The following PCDHB6 variants were observed in gnomAD, a reference collection of about 807,000 sequenced individuals.
The protein encoded by PCDHB6 is protocadherin beta 6, also known as protocadherin beta-6.
For missense variants in PCDHB6, 1,137 were observed against 1,010.1 expected, an observed-to-expected ratio of 1.13 and a Z score of -1.70; for synonymous variants, 506 against 459.0, an observed-to-expected ratio of 1.10 and a Z score of -1.31.
rs781812489 is a variant in PCDHB6 at position 141,151,255 on chromosome 5, T to G, written c.998T>G (p.Val333Gly). ...CTATCAGGAAAATGCTCTTTAGTCGTCAGGGTCCTGGACGTGAATGACAAT... is the reference window on the plus strand; with the variant it reads ...CTATCAGGAAAATGCTCTTTAGTCGGCAGGGTCCTGGACGTGAATGACAAT... Reference protein sequence around the residue: ...GGLSGKCSLVVRVLDVNDNAP... With the variant: ...GGLSGKCSLVGRVLDVNDNAP... The change falls in exon 1 of 1, where the codon GTC becomes GGC. Residue 333 changes from valine to glycine, a missense_variant. Physicochemically the swap from Val to Gly is moderately radical, Grantham distance 109. Coordinates refer to ENST00000231136, the MANE Select transcript of PCDHB6 (RefSeq NM_018939.4). The G allele has an allele frequency of 1.2e-6, 2 of 1,614,158 alleles. No individual in the cohort carries two copies. The highest frequency in any genetic ancestry group is 8.5e-7 in the Non-Finnish European group (1 of 1,180,036).
chr5:141,152,166 A>C lies in PCDHB6; in HGVS notation c.1909A>C (p.Arg637=), dbSNP rs782047713. ...LLSERDAAKH[R]LVVLVKDNGE... Reference sequence around the variant, plus strand: ...GAGCGAGCGAGACGCAGCCAAGCACAGGCTGGTGGTGCTTGTCAAGGACAA... The same window carrying C: ...GAGCGAGCGAGACGCAGCCAAGCACCGGCTGGTGGTGCTTGTCAAGGACAA... Residue 637 remains arginine (R), a synonymous_variant, in exon 1 of 1, where the codon AGG becomes CGG. Coordinates refer to ENST00000231136, the MANE Select transcript of PCDHB6 (RefSeq NM_018939.4). 3 of 1,607,900 alleles carry C rather than the reference A, an allele frequency of 1.9e-6. No homozygotes were observed. The highest frequency in any genetic ancestry group is 1.7e-5 in the Admixed American group (1 of 60,006).
Position 141,152,558 on chromosome 5 carries a change from G to C in PCDHB6, c.2301G>C (p.Pro767=). 6.2e-7 allele frequency: 1 copy of C among 1,614,022 alleles called. No individual in the cohort carries two copies. The highest frequency in any genetic ancestry group is 8.5e-7 in the Non-Finnish European group (1 of 1,180,032). Residue 767 remains proline (P), a synonymous_variant, in exon 1 of 1, where the codon CCG becomes CCC. Coordinates refer to ENST00000231136, the MANE Select transcript of PCDHB6 (RefSeq NM_018939.4). Reference sequence around the variant, plus strand: ...CAAATGAGTTCAAGTTCCTGAAGCCGATTATGCCCAACTTCCCTCCTCAGG... The same window carrying C: ...CAAATGAGTTCAAGTTCCTGAAGCCCATTATGCCCAACTTCCCTCCTCAGG... ...SETNEFKFLK[P]IMPNFPPQGT...
rs1010360135 is a variant in PCDHB6, at chr5:141,150,900, G to A, written c.643G>A (p.Asp215Asn). 16 of 1,614,196 alleles carry A rather than the reference G, an allele frequency of 9.9e-6. No homozygotes were observed. Among genetic ancestry groups the A allele is most frequent in the Non-Finnish European group, 1.4e-5 (16 of 1,180,052 alleles). ...PQLRLTLIAL[D>N]GGSPPRSGTS... ...ACTCAGGCTAACGCTGATCGCGCTGGATGGCGGGTCTCCGCCCCGGTCAGG... is the reference window on the plus strand; with the variant it reads ...ACTCAGGCTAACGCTGATCGCGCTGAATGGCGGGTCTCCGCCCCGGTCAGG... The change falls in exon 1 of 1, where the codon GAT becomes AAT. Residue 215 changes from aspartate to asparagine, a missense_variant. Transcript: ENST00000231136.
rs782488863 is a variant in PCDHB6, at chr5:141,152,136, C to A, written c.1879C>A (p.Leu627Met). ...CAATGGCGAGGTGCGCACCGCCAGGCTGCTGAGCGAGCGAGACGCAGCCAA... is the reference window on the plus strand; with the variant it reads ...CAATGGCGAGGTGCGCACCGCCAGGATGCTGAGCGAGCGAGACGCAGCCAA... ...AHNGEVRTARLLSERDAAKHR... is the reference protein window; with the variant it reads ...AHNGEVRTARMLSERDAAKHR... The change falls in exon 1 of 1, where the codon CTG becomes ATG. Residue 627 changes from leucine to methionine, a missense_variant. Transcript: ENST00000231136. 21 of 1,607,628 alleles carry A rather than the reference C, an allele frequency of 1.3e-5. No homozygotes were observed. In the South Asian group the frequency reaches 1.4e-4, roughly 11 times the overall value.
chr5:141,151,233 T>C lies in PCDHB6; in HGVS notation c.976T>C (p.Ser326Pro), dbSNP rs782725165. Reference sequence around the variant, plus strand: ...TGAGGCTACAGATGGTGGAGGCCTATCAGGAAAATGCTCTTTAGTCGTCAG... The same window carrying C: ...TGAGGCTACAGATGGTGGAGGCCTACCAGGAAAATGCTCTTTAGTCGTCAG... The part of the protein sequence containing the change: ...DVEATDGGGL[S>P]GKCSLVVRVL... Residue 326 changes from serine (S) to proline (P), a missense_variant, in exon 1 of 1, where the codon TCA becomes CCA. Transcript: ENST00000231136. 5 of 1,614,062 alleles carry C rather than the reference T, an allele frequency of 3.1e-6. No individual in the cohort carries two copies. The highest frequency in any genetic ancestry group is 8.5e-7 in the Non-Finnish European group (1 of 1,180,042).
rs146165668 is a variant in PCDHB6 at position 141,150,551 on chromosome 5, T to C, written c.294T>C (p.Thr98=). 1.2e-6 allele frequency: 2 copies of C among 1,614,150 alleles called. No homozygotes were observed. The highest frequency in any genetic ancestry group is 1.7e-6 in the Non-Finnish European group (2 of 1,179,976). Residue 98 remains threonine (T), a synonymous_variant, in exon 1 of 1, where the codon ACT becomes ACC. Transcript: ENST00000231136. The stretch of plus-strand genomic sequence containing the variant: ...ACCGGGAGGAGCTGTGTGGCTCCAC[T>C]GAGCCGTGTGTGCTACCTTTCCAAG... ...KLDREELCGS[T]EPCVLPFQVL...
chr5:141,152,551 T>C lies in PCDHB6; in HGVS notation c.2294T>C (p.Leu765Pro). 2 of 1,614,020 alleles carry C rather than the reference T, an allele frequency of 1.2e-6. No homozygotes were observed. Among genetic ancestry groups the C allele is most frequent in the Non-Finnish European group, 1.7e-6 (2 of 1,180,022 alleles). Residue 765 changes from leucine to proline, a missense_variant, in exon 1 of 1, where the codon CTG becomes CCG. Coordinates refer to ENST00000231136, the MANE Select transcript of PCDHB6 (RefSeq NM_018939.4). ...TCAGAAACAAATGAGTTCAAGTTCC[T>C]GAAGCCGATTATGCCCAACTTCCCT... ...GGSETNEFKF[L>P]KPIMPNFPPQ... is the part of the protein sequence containing the mutation.
chr5:141,151,996 C>T lies in PCDHB6; in HGVS notation c.1739C>T (p.Pro580Leu), dbSNP rs1217750475. The T allele has an allele frequency of 6.2e-6, 10 of 1,609,448 alleles. No individual in the cohort carries two copies. The African/African-American group carries it at 1.2e-4, about 19-fold the overall frequency. ...GAGCTGGTGCCCCGGGCGGCCGAGC[C>T]GGGCTACCTGGTGACCAAGGTGGTG... is the stretch of plus-strand genomic sequence containing the variant. ...CTELVPRAAE[P>L]GYLVTKVVAV... The change falls in exon 1 of 1, where the codon CCG becomes CTG. Residue 580 changes from proline (P) to leucine (L), a missense_variant. Coordinates refer to ENST00000231136, the MANE Select transcript of PCDHB6 (RefSeq NM_018939.4).
rs782158260 is a variant in PCDHB6, at chr5:141,152,691, A to G, written c.*49A>G. 8.2e-6 allele frequency: 12 copies of G among 1,466,960 alleles called. No homozygotes were observed. Among genetic ancestry groups the G allele is most frequent in the Non-Finnish European group, 9.2e-7 (1 of 1,090,174 alleles). The allele number at this position is 1,466,960 out of a possible 1,614,324, so 90.9% of individuals were successfully genotyped here. A position where few individuals can be genotyped will look rare whatever the true frequency, so the allele number is the denominator to read the frequency against. On this transcript the variant is annotated 3_prime_UTR_variant, in exon 1 of 1. Transcript: ENST00000231136. ...TTACTTATGTTTGGAGATCTCTTTT[A>G]ACTTAAAGTTACATGGTCTGTTTCT...
Position 141,151,533 on chromosome 5 carries a change from A to G in PCDHB6, c.1276A>G (p.Thr426Ala), listed in dbSNP as rs532016504. 340 of 1,614,150 alleles carry G rather than the reference A, an allele frequency of 2.1e-4. 2 individuals are homozygous for G. In the South Asian group the frequency reaches 2.5e-3, roughly 12 times the overall value. Residue 426 changes from threonine (T) to alanine (A), a missense_variant, in exon 1 of 1, where the codon ACA (threonine) becomes GCA (alanine). Thr to Ala is a moderately conservative substitution (Grantham distance 58, BLOSUM62 0). Coordinates refer to ENST00000231136, the MANE Select transcript of PCDHB6 (RefSeq NM_018939.4). ...CACTATCACGGTCACTGATTTGGGG[A>G]CACCAAGGCTGAAAACCCAGCAGAG... is the stretch of plus-strand genomic sequence containing the variant. ...NITITVTDLG[T>A]PRLKTQQSIT...
At position 141,151,223 on chromosome 5, in the gene PCDHB6, T is replaced by C. The variant is rs781916370; in HGVS notation, c.966T>C (p.Gly322=). 3 of 1,614,146 alleles carry C rather than the reference T, an allele frequency of 1.9e-6. No homozygotes were observed. The South Asian group carries it at 3.3e-5, about 18-fold the overall frequency. The change falls in exon 1 of 1, where the codon GGT becomes GGC. Residue 322 remains glycine, a synonymous_variant. Coordinates refer to ENST00000231136, the MANE Select transcript of PCDHB6 (RefSeq NM_018939.4). ...SYDVDVEATD[G]GGLSGKCSLV... Reference sequence around the variant, plus strand: ...ACGTGGATGTTGAGGCTACAGATGGTGGAGGCCTATCAGGAAAATGCTCTT... The same window carrying C: ...ACGTGGATGTTGAGGCTACAGATGGCGGAGGCCTATCAGGAAAATGCTCTT...
chr5:141,150,321 T>C lies in PCDHB6; in HGVS notation c.64T>C (p.Trp22Arg). 6.2e-7 allele frequency: 1 copy of C among 1,614,118 alleles called. No individual in the cohort carries two copies. The highest frequency in any genetic ancestry group is 8.5e-7 in the Non-Finnish European group (1 of 1,179,982). ...QVAFFILLML[W>R]GEVGSESIQY... ...GGCTTTCTTCATTTTATTGATGCTTTGGGGAGAGGTGGGTTCTGAATCGAT... is the reference window on the plus strand; with the variant it reads ...GGCTTTCTTCATTTTATTGATGCTTCGGGGAGAGGTGGGTTCTGAATCGAT... Residue 22 changes from tryptophan (W) to arginine (R), a missense_variant, in exon 1 of 1, where the codon TGG becomes CGG. Transcript: ENST00000231136.
In PCDHB6 at chr5:141,150,278, G is replaced by T. The variant is rs192597588; in HGVS notation, c.21G>T (p.Gln7His). 2 of 1,613,024 alleles carry T rather than the reference G, an allele frequency of 1.2e-6. No homozygotes were observed. The highest frequency in any genetic ancestry group is 4.5e-5 in the East Asian group (2 of 44,862). MMQTKVQNKKRQVAFFI... is the reference protein window; with the variant it reads MMQTKVHNKKRQVAFFI... Reference sequence around the variant, plus strand: ...TAGACATGATGCAAACTAAAGTACAGAACAAGAAAAGGCAAGTGGCTTTCT... The same window carrying T: ...TAGACATGATGCAAACTAAAGTACATAACAAGAAAAGGCAAGTGGCTTTCT... Residue 7 changes from glutamine to histidine, a missense_variant, in exon 1 of 1, where the codon CAG (glutamine) becomes CAT (histidine). Coordinates refer to ENST00000231136, the MANE Select transcript of PCDHB6 (RefSeq NM_018939.4).
In PCDHB6 at chr5:141,152,276, G is replaced by A. The variant is rs1554277981; in HGVS notation, c.2019G>A (p.Glu673=). The A allele has an allele frequency of 2.5e-6, 4 of 1,608,228 alleles. No homozygotes were observed. Among genetic ancestry groups the A allele is most frequent in the Non-Finnish European group, 2.5e-6 (3 of 1,179,796 alleles). Residue 673 remains glutamate, a synonymous_variant, in exon 1 of 1, where the codon GAG becomes GAA. Transcript: ENST00000231136. The part of the protein sequence containing the change: ...GFSQPYLPLP[E]AAPAQAQADS... ...CCCAGCCCTACCTGCCTCTCCCTGA[G>A]GCGGCCCCGGCCCAAGCCCAGGCCG... is the stretch of plus-strand genomic sequence containing the variant.
chr5:141,151,230 C>G lies in PCDHB6; in HGVS notation c.973C>G (p.Leu325Val). ...VDVEATDGGG[L>V]SGKCSLVVRV... ...TGTTGAGGCTACAGATGGTGGAGGC[C>G]TATCAGGAAAATGCTCTTTAGTCGT... The change falls in exon 1 of 1, where the codon CTA becomes GTA. Residue 325 changes from leucine (L) to valine (V), a missense_variant. By Grantham distance (32) the Leu-to-Val change is conservative (BLOSUM62 1). Coordinates refer to ENST00000231136, the MANE Select transcript of PCDHB6 (RefSeq NM_018939.4). The G allele has an allele frequency of 2.5e-6, 4 of 1,614,116 alleles. No homozygotes were observed. The highest frequency in any genetic ancestry group is 2.5e-6 in the Non-Finnish European group (3 of 1,180,038).
Position 141,152,145 on chromosome 5 carries a change from G to T in PCDHB6, c.1888G>T (p.Glu630Ter). The change falls in exon 1 of 1, where the codon GAG becomes TAG. Residue 630 changes from glutamate (E) to a stop codon, truncating the protein, a stop_gained. Transcript: ENST00000231136. LOFTEE classifies it low-confidence loss of function (END_TRUNC). ...GGTGCGCACCGCCAGGCTGCTGAGC[G>T]AGCGAGACGCAGCCAAGCACAGGCT... ...GEVRTARLLS[E>*]RDAAKHRLVV... 1.2e-6 allele frequency: 2 copies of T among 1,607,934 alleles called. No individual in the cohort carries two copies. The highest frequency in any genetic ancestry group is 8.5e-7 in the Non-Finnish European group (1 of 1,179,710).
At position 141,152,619 on chromosome 5, in the gene PCDHB6, C is replaced by T. The variant is rs782235804; in HGVS notation, c.2362C>T (p.Arg788Trp). Residue 788 changes from arginine (R) to tryptophan (W), a missense_variant, in exon 1 of 1, where the codon CGG becomes TGG. By Grantham distance (101) the Arg-to-Trp change is moderately radical. Coordinates refer to ENST00000231136, the MANE Select transcript of PCDHB6 (RefSeq NM_018939.4). Reference sequence around the variant, plus strand: ...AGAAATGGAAGAAACCCCCACCTCTCGGAATAGCTTCCCGTTCAGTTAAGT... The same window carrying T: ...AGAAATGGAAGAAACCCCCACCTCTTGGAATAGCTTCCCGTTCAGTTAAGT... Reference protein sequence around the residue: ...EREMEETPTSRNSFPFS With the variant: ...EREMEETPTSWNSFPFS 11 of 1,603,096 alleles carry T rather than the reference C, an allele frequency of 6.9e-6. No individual in the cohort carries two copies. The East Asian group carries it at 1.3e-4, about 20-fold the overall frequency.
rs972521285 is a variant in PCDHB6, at chr5:141,150,981, G to C, written c.724G>C (p.Ala242Pro). ...CATCAATGACAACGTCCCCGAGTTT[G>C]CTCAGGAGCTCTATGAAGCACAAGT... Reference protein sequence around the residue: ...LDINDNVPEFAQELYEAQVPE... With the variant: ...LDINDNVPEFPQELYEAQVPE... The change falls in exon 1 of 1, where the codon GCT becomes CCT. Residue 242 changes from alanine to proline, a missense_variant. Physicochemically the swap from Ala to Pro is conservative, Grantham distance 27. Transcript: ENST00000231136. The C allele has an allele frequency of 6.2e-7, 1 of 1,614,100 alleles. No homozygotes were observed. Among genetic ancestry groups the C allele is most frequent in the Middle Eastern group, 1.6e-4 (1 of 6,062 alleles).
In PCDHB6 at chr5:141,151,712, C is replaced by T; in HGVS notation, c.1455C>T (p.Thr485=). The part of the protein sequence containing the change: ...DRDSGINAQV[T]YSLLPPQDPH... Reference sequence around the variant, plus strand: ...ACTCAGGCATCAACGCCCAGGTCACCTACTCGCTGCTGCCGCCCCAGGACC... The same window carrying T: ...ACTCAGGCATCAACGCCCAGGTCACTTACTCGCTGCTGCCGCCCCAGGACC... Residue 485 remains threonine, a synonymous_variant, in exon 1 of 1, where the codon ACC becomes ACT. Coordinates refer to ENST00000231136, the MANE Select transcript of PCDHB6 (RefSeq NM_018939.4). 1 of 1,613,208 alleles carries T rather than the reference C, an allele frequency of 6.2e-7. No individual in the cohort carries two copies. Among genetic ancestry groups the T allele is most frequent in the Non-Finnish European group, 8.5e-7 (1 of 1,180,042 alleles).
Sources: gnomAD v4.1 joint callset for allele counts on GRCh38, gnomAD v4.1.1 for gene constraint, MANE v1.5 for transcripts, NCBI Gene and HGNC (gene_info 2026-07-23, HGNC 2026-07-21) for gene names.